Variants in PARL observed in about 807,000 individuals in gnomAD.
PARL encodes the protein presenilin-associated rhomboid-like protein, mitochondrial.
A neutral mutation model predicts 51.6 loss-of-function variants in PARL; 44 were observed. That is an observed-to-expected ratio of 0.85 (90% CI 0.67 to 1.10). The LOEUF is 1.10. PARL is among the 50% of genes least tolerant of loss of function. The pLI is 0.00. For missense variants in PARL, 441 were observed against 469.5 expected (o/e 0.94, Z 0.56); for synonymous variants, 172 against 164.0 (o/e 1.05, Z -0.37).
At chr3:183,827,653 G>A (rs143796918), downstream of PARL, among the ~76,000 whole-genome samples, 8 of 152,238 alleles carry the variant, frequency 5.3e-5, no homozygotes, top group East Asian at 1.4e-3. Flanking sequence ...AATAAGAGGC[G>A]AGAGAGGGAG....
chr3:183,843,506 C>T (rs993990231), intron 5 of PARL, among the ~76,000 whole-genome samples: 4 of 151,980 alleles, frequency 2.6e-5, no homozygotes, highest in African/African-American at 4.8e-5. Context: ...CAGAGCAAGA[C>T]CCTGTCTCAA....
In PARL at chr3:183,838,451, T is replaced by C. The variant is rs996899363; in HGVS notation, c.828+2119A>G. 3.4e-4 allele frequency among the ~76,000 whole-genome samples: 51 copies of C among 152,236 alleles called. 2 individuals carry two copies. The highest frequency in any genetic ancestry group is 1.5e-5 in the Non-Finnish European group (1 of 68,042). On this transcript the variant is annotated intron_variant, in intron 7 of 9. Transcript: ENST00000317096. ...TCATTAAAAATGCCATTATACCTGGTGATTTAATTTCCTTGAATTTTAATC... is the reference window on the plus strand; with the variant it reads ...TCATTAAAAATGCCATTATACCTGGCGATTTAATTTCCTTGAATTTTAATC...
chr3:183,828,894 A>G (rs1560361639), downstream of PARL, among the ~76,000 whole-genome samples: 2 of 152,218 alleles, frequency 1.3e-5, no homozygotes, highest in East Asian at 1.9e-4. Flanking sequence ...TGAATTCCAC[A>G]ACAGTGAGGC....
Position 183,840,570 on chromosome 3 carries a change from T to G in PARL, c.828A>C (p.Ala276=). The change falls in exon 7 of 10, where the codon GCA becomes GCC. Residue 276 remains alanine, a splice_region_variant and synonymous_variant. Transcript: ENST00000317096. ...ATGRYGPSLG[A]SGAIMTVLAA... is the part of the protein sequence containing the mutation. The stretch of plus-strand genomic sequence containing the variant: ...AAAAATTTACAATAGAAATACTTAC[T>G]GCACCAAGTGATGGTCCATATCTTC... 1.4e-6 allele frequency: 2 copies of G among 1,427,234 alleles called. No homozygotes were observed. Among genetic ancestry groups the G allele is most frequent in the Non-Finnish European group, 2.0e-6 (2 of 1,024,210 alleles). 88.4% of individuals were successfully genotyped at this position (1,427,234 alleles called of 1,614,324 possible). A position where few individuals can be genotyped will look rare whatever the true frequency, so the allele number is the denominator to read the frequency against.
intron 7 of PARL, among the ~76,000 whole-genome samples, chr3:183,834,892 A>C (rs1577279494): frequency 4.4e-5 from 2 of 45,546 alleles, no homozygotes; most frequent in Non-Finnish European, 7.4e-5. Flanking sequence ...AATACAAAAA[A>C]AAAAAAAAAA....
intron 7 of PARL, among the ~76,000 whole-genome samples, chr3:183,834,061 T>C (rs954186014): frequency 6.6e-6 from 1 of 152,216 alleles, no homozygotes; most frequent in Non-Finnish European, 1.5e-5. Context: ...CAGTAAGATG[T>C]ATGTGCCTCA....
rs1734224660 is a variant in PARL, at chr3:183,879,769, T to G, written c.125+4953A>C. On this transcript the variant is annotated intron_variant, in intron 1 of 9. Coordinates refer to ENST00000317096, the MANE Select transcript of PARL (RefSeq NM_018622.7). ...CCTCGCTCTGTCACCCAGGCTGGAG[T>G]GCAGTGGCACCATCTCAACTCACTG... is the stretch of plus-strand genomic sequence containing the variant. 7.3e-6 allele frequency: 6 copies of G among 816,756 alleles called. No homozygotes were observed. The South Asian group carries it at 3.4e-4, about 46-fold the overall frequency. The allele number at this position is 816,756 out of a possible 1,614,324, so 50.6% of individuals were successfully genotyped here.
At chr3:183,847,411 C>A (rs1730082434) in intron 4 of PARL, among the ~76,000 whole-genome samples, 1 of 151,824 alleles carries the variant, frequency 6.6e-6, no homozygotes. Context: ...AAAAAATGAA[C>A]AAAATCAGCT....
chr3:183,847,099 T>G (rs1378694871), intron 4 of PARL, among the ~76,000 whole-genome samples: 1 of 152,236 alleles, frequency 6.6e-6, no homozygotes, highest in Admixed American at 6.5e-5. Flanking sequence ...AGAGGATGTG[T>G]GGCAATCCTA....
chr3:183,848,007 T>G (rs1203926175), intron 4 of PARL, among the ~76,000 whole-genome samples: 1 of 152,206 alleles, frequency 6.6e-6, no homozygotes, highest in Non-Finnish European at 1.5e-5. Context: ...GCTGTCCTAG[T>G]GCCTACCCTC....
chr3:183,836,124 G>A (rs1341606513), intron 7 of PARL, among the ~76,000 whole-genome samples: 1 of 149,734 alleles, frequency 6.7e-6, no homozygotes, highest in Non-Finnish European at 1.5e-5. Flanking sequence ...GGTTGAGGCA[G>A]GAGAATTGCT....
intron 3 of PARL, among the ~76,000 whole-genome samples, chr3:183,865,511 T>G (rs192571860): frequency 8.5e-5 from 13 of 152,124 alleles, no homozygotes; most frequent in African/African-American, 3.1e-4. Context: ...CTGCCTCCTG[T>G]CAGATCAGTG....
At chr3:183,882,247 ATATATATATATATATATATATT>A (rs1342690993) in intron 1 of PARL, among the ~76,000 whole-genome samples, 1,109 of 23,134 alleles carry the variant, frequency 0.048, 25 homozygotes, top group African/African-American at 0.11. Flanking sequence ...ATATATATTT[ATATATATATATATATATATATT>A]TATATATATA....
chr3:183,844,410 T>G, intron 4 of PARL, 84 bp from the exon 5 acceptor site: 1 of 882,468 alleles, frequency 1.1e-6, no homozygotes, highest in African/African-American at 1.7e-5. Flanking sequence ...GTAAGATTCT[T>G]CCACAATTAT....
At chr3:183,842,149 G>A in intron 6 of PARL, 149 bp downstream of exon 6, 1 of 810,004 alleles carries the variant, frequency 1.2e-6, no homozygotes, top group Non-Finnish European at 2.1e-6. Context: ...ACCAATCTGT[G>A]GCTCCCTTCT....
At chr3:183,870,125 A>C (rs1733008093) in intron 1 of PARL, among the ~76,000 whole-genome samples, 1 of 148,102 alleles carries the variant, frequency 6.8e-6, no homozygotes, top group Non-Finnish European at 1.5e-5. Flanking sequence ...AAAATACAAA[A>C]ATTAGCCAGG....
intron 5 of PARL, 30 bp from the exon 6 acceptor site, chr3:183,842,477 T>A: frequency 6.2e-7 from 1 of 1,603,786 alleles, no homozygotes; most frequent in African/African-American, 1.3e-5. Flanking sequence ...AGTCTGGTAA[T>A]CATGAAACAC....
intron 7 of PARL, among the ~76,000 whole-genome samples, chr3:183,836,466 GT>G (rs1379299221): frequency 2.6e-5 from 4 of 152,014 alleles, no homozygotes; most frequent in Non-Finnish European, 5.9e-5. Context: ...ATCACAACTT[GT>G]TTTTTGACAA....
chr3:183,831,765 T>C (rs1727969690), intron 9 of PARL, among the ~76,000 whole-genome samples: 1 of 152,082 alleles, frequency 6.6e-6, no homozygotes, highest in Admixed American at 6.6e-5. Context: ...AAATAAAAGA[T>C]TTTAGATTTC....
Sources: allele counts gnomAD v4.1 joint callset (sites outside exome capture counted in the v4.1 genomes callset), GRCh38; gene constraint gnomAD v4.1.1; transcripts MANE v1.5; gene names NCBI Gene and HGNC (gene_info 2026-07-23, HGNC 2026-07-21).